BUB1B: variants seen among roughly 807,000 people sequenced by gnomAD.
BUB1B encodes mitotic checkpoint serine/threonine-protein kinase BUB1 beta.
BUB1B carries 86 observed loss-of-function variants against 137.7 expected under a neutral mutation model. That is an observed-to-expected ratio of 0.62 (90% CI 0.52 to 0.75). The LOEUF is 0.75. BUB1B is among the 30% of genes least tolerant of loss of function. BUB1B has a pLI of 0.00. For missense variants in BUB1B, 1,130 were observed against 1,236.9 expected (o/e 0.91, Z 1.30); for synonymous variants, 420 against 417.9 (o/e 1.00, Z -0.06).
intron 12 of BUB1B, among the ~76,000 whole-genome samples, chr15:40,201,880 AG>A (rs2037575079): frequency 6.6e-6 from 1 of 152,002 alleles, no homozygotes; most frequent in Admixed American, 6.6e-5. Context: ...CATGTTAGCC[AG>A]GATGGTCTCG....
At chr15:40,165,001 G>C in intron 1 of BUB1B, 52 bp from the exon 2 acceptor site, 1 of 1,607,458 alleles carries the variant, frequency 6.2e-7, no homozygotes, top group Non-Finnish European at 8.5e-7. Flanking sequence ...ATAATCTAGT[G>C]CTATAATAGT....
chr15:40,220,938 TACTC>T lies in BUB1B; in HGVS notation c.*181_*184del, dbSNP rs1316684056. ...GATATTTTTTATACAGTGATATACTTACTCATGGCCTTGTCTAACTTTTGTGAAG... is the reference window on the plus strand; with the variant it reads ...GATATTTTTTATACAGTGATATACTTATGGCCTTGTCTAACTTTTGTGAAG... On this transcript the variant is annotated 3_prime_UTR_variant, in exon 23 of 23. Transcript: ENST00000287598. The T allele has an allele frequency of 2.2e-5, 15 of 678,308 alleles. No homozygotes were observed. The African/African-American group carries it at 2.5e-4, about 11-fold the overall frequency. 42.0% of individuals were successfully genotyped at this position (678,308 alleles called of 1,614,324 possible).
chr15:40,217,507 C>T lies in BUB1B; in HGVS notation c.2690C>T (p.Pro897Leu). ...AAATCTGGGCTCAGAATCCACGATC[C>T]CTATGATTGTAACAAGAACAATCAA... Reference protein sequence around the residue: ...CLILRNRIHDPYDCNKNNQAL... With the variant: ...CLILRNRIHDLYDCNKNNQAL... Residue 897 changes from proline to leucine, a missense_variant, in exon 21 of 23, where the codon CCC (proline) becomes CTC (leucine). Coordinates refer to ENST00000287598, the MANE Select transcript of BUB1B (RefSeq NM_001211.6). 1.2e-6 allele frequency: 2 copies of T among 1,613,906 alleles called. No individual in the cohort carries two copies. The highest frequency in any genetic ancestry group is 1.1e-5 in the South Asian group (1 of 91,064).
intron 17 of BUB1B, 43 bp from the exon 18 acceptor site, chr15:40,210,067 A>G (rs768017785): frequency 6.8e-7 from 1 of 1,472,154 alleles, no homozygotes; most frequent in South Asian, 1.1e-5. Flanking sequence ...AGGGCTGTAT[A>G]TGTTCACAGT....
At chr15:40,179,595 A>G (rs1419625411) in intron 5 of BUB1B, among the ~76,000 whole-genome samples, 1 of 152,040 alleles carries the variant, frequency 6.6e-6, no homozygotes, top group African/African-American at 2.4e-5. Flanking sequence ...TGTTATGTTG[A>G]GACCATTTAA....
At chr15:40,196,492 A>G in intron 8 of BUB1B, 53 bp from the exon 9 acceptor site, 3 of 1,445,878 alleles carry the variant, frequency 2.1e-6, no homozygotes, top group Non-Finnish European at 1.9e-6. Flanking sequence ...TATCAATCTT[A>G]TTGATTTTTT....
At chr15:40,174,273 A>G (rs544385072) in intron 4 of BUB1B, among the ~76,000 whole-genome samples, 6 of 152,238 alleles carry the variant, frequency 3.9e-5, no homozygotes, top group Non-Finnish European at 5.9e-5. Context: ...CTTTTCTTGA[A>G]ACACCACCAC....
intron 2 of BUB1B, among the ~76,000 whole-genome samples, chr15:40,165,968 T>C (rs143981222): frequency 0.011 from 1,599 of 152,062 alleles, 22 homozygotes; most frequent in African/African-American, 0.037. Flanking sequence ...TTCTCCCACC[T>C]CAGCCTCCCA....
Position 40,167,248 on chromosome 15 carries a change from G to A in BUB1B, c.179+2052G>A, listed in dbSNP as rs530507168. ...AATTAATTAGTATTTTTCTTTTATG[G>A]TTAGCATTTTTTGTGTCCTCTTCAG... is the stretch of plus-strand genomic sequence containing the variant. On this transcript the variant is annotated intron_variant, in intron 2 of 22. Coordinates refer to ENST00000287598, the MANE Select transcript of BUB1B (RefSeq NM_001211.6). Among the ~76,000 whole-genome samples the A allele has an allele frequency of 2.7e-5, 4 of 145,524 alleles. No individual in the cohort carries two copies. The East Asian group carries it at 8.0e-4, about 29-fold the overall frequency.
chr15:40,200,214 A>G (rs377757980), intron 10 of BUB1B, 30 bp from the exon 11 acceptor site: 3 of 1,455,920 alleles, frequency 2.1e-6, no homozygotes, highest in Non-Finnish European at 2.9e-6. Context: ...GATGGGAGGG[A>G]CATTGATTTT....
At position 40,202,461 on chromosome 15, in the gene BUB1B, A is replaced by G. The variant is rs1446416934; in HGVS notation, c.1624A>G (p.Lys542Glu). Residue 542 changes from lysine (K) to glutamate (E), a missense_variant, in exon 13 of 23, where the codon AAA (lysine) becomes GAA (glutamate). By Grantham distance (56) the Lys-to-Glu change is moderately conservative. Coordinates refer to ENST00000287598, the MANE Select transcript of BUB1B (RefSeq NM_001211.6). Reference protein sequence around the residue: ...DEFLLSEKKNKSPPADPPRVL... With the variant: ...DEFLLSEKKNESPPADPPRVL... The stretch of plus-strand genomic sequence containing the variant: ...GTTTCTTCTTTCAGAAAAGAAGAAT[A>G]AAAGGTACGTTGTTTTTTTGTTTTT... 6 of 1,612,014 alleles carry G rather than the reference A, an allele frequency of 3.7e-6. No homozygotes were observed. The highest frequency in any genetic ancestry group is 1.7e-4 in the Middle Eastern group (1 of 6,000).
At chr15:40,183,449 A>G (rs560332433) in intron 5 of BUB1B, among the ~76,000 whole-genome samples, 1 of 152,346 alleles carries the variant, frequency 6.6e-6, no homozygotes, top group Admixed American at 6.5e-5. Flanking sequence ...CCTGATCCTC[A>G]GATCAACTTA....
intron 4 of BUB1B, among the ~76,000 whole-genome samples, chr15:40,174,758 G>A (rs1314659131): frequency 1.3e-5 from 2 of 152,230 alleles, no homozygotes; most frequent in African/African-American, 4.8e-5. Flanking sequence ...CAGGTCAAGA[G>A]ATGGAGACCA....
intron 1 of BUB1B, among the ~76,000 whole-genome samples, chr15:40,164,362 C>T (rs541033525): frequency 1.3e-5 from 2 of 152,042 alleles, no homozygotes; most frequent in Admixed American, 6.6e-5. Flanking sequence ...TAAGTAGCCA[C>T]GACCATGGGC....
In BUB1B at chr15:40,199,723, A is replaced by G. The variant is rs587778140; in HGVS notation, c.1397A>G (p.Asp466Gly). 1.2e-6 allele frequency: 2 copies of G among 1,610,606 alleles called. No individual in the cohort carries two copies. Among genetic ancestry groups the G allele is most frequent in the Admixed American group, 3.3e-5 (2 of 59,988 alleles). The change falls in exon 10 of 23, where the codon GAT becomes GGT. Residue 466 changes from aspartate to glycine, a missense_variant. Asp to Gly is a moderately conservative substitution (Grantham distance 94). Coordinates refer to ENST00000287598, the MANE Select transcript of BUB1B (RefSeq NM_001211.6). ...ACTACTCAGCAAGAAAGAACAGGTG[A>G]TCAGGTAATTTTTCTTTTTTCATAC... is the stretch of plus-strand genomic sequence containing the variant. ...IQTTQQERTG[D>G]QQEETMPTKE... is the part of the protein sequence containing the mutation.
intron 5 of BUB1B, among the ~76,000 whole-genome samples, chr15:40,180,440 A>G (rs373927813): frequency 2.9e-4 from 43 of 150,420 alleles, no homozygotes; most frequent in African/African-American, 6.1e-4. Context: ...TAATTTTTGT[A>G]GTTTTAGAAG....
At chr15:40,177,032 A>G (rs1361980746) in intron 5 of BUB1B, among the ~76,000 whole-genome samples, 2 of 152,196 alleles carry the variant, frequency 1.3e-5, no homozygotes, top group East Asian at 3.8e-4. Flanking sequence ...CTGCCATATA[A>G]ATGGAATCGT....
intron 4 of BUB1B, among the ~76,000 whole-genome samples, chr15:40,175,240 A>G (rs1020575876): frequency 6.6e-6 from 1 of 151,678 alleles, no homozygotes; most frequent in African/African-American, 2.4e-5. Context: ...AGTTGTTTAA[A>G]TATCCAGAAG....
chr15:40,206,326 T>C lies in BUB1B; in HGVS notation c.1877T>C (p.Met626Thr), dbSNP rs1359983479. The C allele has an allele frequency of 1.2e-6, 2 of 1,614,198 alleles. No homozygotes were observed. Among genetic ancestry groups the C allele is most frequent in the East Asian group, 2.2e-5 (1 of 44,886 alleles). Residue 626 changes from methionine (M) to threonine (T), a missense_variant, in exon 15 of 23, where the codon ATG becomes ACG. Physicochemically the swap from Met to Thr is moderately conservative, Grantham distance 81. Transcript: ENST00000287598. ...RFVSTPFHEI[M>T]SLKDLPSDPE... is the part of the protein sequence containing the mutation. ...GTATCCACTCCTTTTCATGAGATAATGTCCTTGAAGGATCTCCCTTCTGAT... is the reference window on the plus strand; with the variant it reads ...GTATCCACTCCTTTTCATGAGATAACGTCCTTGAAGGATCTCCCTTCTGAT...
Sources: gnomAD v4.1 joint callset for allele counts (sites outside exome capture counted in the v4.1 genomes callset) on GRCh38, gnomAD v4.1.1 for gene constraint, MANE v1.5 for transcripts, NCBI Gene and HGNC (gene_info 2026-07-23, HGNC 2026-07-21) for gene names.